The following AKAP6 variants were observed in gnomAD, a reference collection of about 807,000 sequenced individuals.
The protein encoded by AKAP6 is A-kinase anchoring protein 6.
In AKAP6, 58 loss-of-function variants were observed where a neutral mutation model predicts 188.5. The ratio of observed to expected loss-of-function variants is 0.31; its 90% CI spans 0.25 to 0.38. AKAP6 has a LOEUF of 0.38. AKAP6 is among the 10% of genes least tolerant of loss of function. The pLI is 1.00. For synonymous variants in AKAP6, 989 were observed against 998.6 expected, an observed-to-expected ratio of 0.99 and a Z score of 0.18; for missense variants, 2,710 against 2,740.0, an observed-to-expected ratio of 0.99 and a Z score of 0.24.
In AKAP6 at chr14:32,419,901, A is replaced by AAAACAAAAACAG. The variant is rs541132142; in HGVS notation, c.-34-13551_-34-13550insACAGAAACAAAA. ...CTCTACAAAAACAAAAACAAAAACAAAAACAAAAGAAAAAAAACAAAAAAT... is the reference window on the plus strand; with the variant it reads ...CTCTACAAAAACAAAAACAAAAACAAAAACAAAAACAGAAACAAAAGAAAAAAAACAAAAAAT... On this transcript the variant is annotated intron_variant, in intron 1 of 13. Transcript: ENST00000280979. Among the ~76,000 whole-genome samples the AAAACAAAAACAG allele has an allele frequency of 1.4e-3, 212 of 150,738 alleles. 1 individual carries two copies. The highest frequency in any genetic ancestry group is 5.1e-3 in the African/African-American group (205 of 40,162).
chr14:32,729,723 G>A (rs1017610753), intron 9 of AKAP6, among the ~76,000 whole-genome samples: 4 of 152,020 alleles, frequency 2.6e-5, no homozygotes, highest in African/African-American at 9.7e-5. Context: ...AGACAGAGAG[G>A]CCCACAGCAG....
intron 1 of AKAP6, among the ~76,000 whole-genome samples, chr14:32,415,226 C>T (rs551448484): frequency 6.6e-6 from 1 of 152,242 alleles, no homozygotes; most frequent in South Asian, 2.1e-4. Context: ...AGCAGTCACA[C>T]GTGTGTCTTA....
Position 32,627,850 on chromosome 14 carries a change from G to A in AKAP6, c.2730+27058G>A, listed in dbSNP as rs542700762. 6.6e-5 allele frequency among the ~76,000 whole-genome samples: 10 copies of A among 151,726 alleles called. No homozygotes were observed. The South Asian group carries it at 1.0e-3, about 16-fold the overall frequency. ...AGCTTTCATTTTTTTTTCTTTTTTA[G>A]AGTGGTCTCAAATGGTGGGGATTAA... On this transcript the variant is annotated intron_variant, in intron 7 of 13. Coordinates refer to ENST00000280979, the MANE Select transcript of AKAP6 (RefSeq NM_004274.5).
At position 32,823,011 on chromosome 14, in the gene AKAP6, A is replaced by G. The variant is rs767284967; in HGVS notation, c.5198A>G (p.Asn1733Ser). 5 of 1,613,878 alleles carry G rather than the reference A, an allele frequency of 3.1e-6. No homozygotes were observed. In the East Asian group the frequency reaches 6.7e-5, roughly 22 times the overall value. ...TCAGTGGCTGATGAAAGCGATGTCAATGTCAGCATGATTGTTAATGTCTCT... is the reference window on the plus strand; with the variant it reads ...TCAGTGGCTGATGAAAGCGATGTCAGTGTCAGCATGATTGTTAATGTCTCT... Reference protein sequence around the residue: ...TRSVADESDVNVSMIVNVSCT... With the variant: ...TRSVADESDVSVSMIVNVSCT... Residue 1733 changes from asparagine to serine, a missense_variant, in exon 13 of 14, where the codon AAT becomes AGT. Coordinates refer to ENST00000280979, the MANE Select transcript of AKAP6 (RefSeq NM_004274.5).
intron 2 of AKAP6, among the ~76,000 whole-genome samples, chr14:32,528,967 C>T (rs144817317): frequency 1.4e-3 from 218 of 152,226 alleles, no homozygotes; most frequent in African/African-American, 4.8e-3. Context: ...TGTGAGCCAC[C>T]GTGCCGAGCC....
rs1566738327 is a variant in AKAP6, at chr14:32,823,225, C to G, written c.5412C>G (p.Thr1804=). The change falls in exon 13 of 14, where the codon ACC becomes ACG. Residue 1804 remains threonine (T), a synonymous_variant. Transcript: ENST00000280979. ...GLDYIKNELQ[T]WIRPKLSLTR... ...ACTACATAAAGAATGAATTACAGAC[C>G]TGGATTAGGCCAAAATTGTCTTTGA... is the stretch of plus-strand genomic sequence containing the variant. 1 of 1,613,650 alleles carries G rather than the reference C, an allele frequency of 6.2e-7. No individual in the cohort carries two copies. Among genetic ancestry groups the G allele is most frequent in the Non-Finnish European group, 8.5e-7 (1 of 1,179,874 alleles).
intron 2 of AKAP6, among the ~76,000 whole-genome samples, chr14:32,492,355 T>TATATATAGAGAGAGAGAGAGAGAGAGAG: frequency 5.1e-4 from 42 of 82,604 alleles, no homozygotes; most frequent in African/African-American, 1.4e-3. Context: ...TATATATATA[T>TATATATAGAGAGAGAGAGAGAGAGAGAG]AGAGAGAGAG....
intron 2 of AKAP6, among the ~76,000 whole-genome samples, chr14:32,467,329 G>A (rs1459737350): frequency 6.6e-6 from 1 of 152,102 alleles, no homozygotes; most frequent in Non-Finnish European, 1.5e-5. Flanking sequence ...TGAGGTTGGG[G>A]GAGTGGGTAG....
intron 1 of AKAP6, among the ~76,000 whole-genome samples, chr14:32,426,695 G>C (rs17099065): frequency 1.3e-5 from 2 of 152,186 alleles, no homozygotes; most frequent in Admixed American, 6.5e-5. Context: ...ATTGATGACC[G>C]TGGGTGCCAC....
At chr14:32,618,999 C>T (rs1350631882) in intron 7 of AKAP6, among the ~76,000 whole-genome samples, 1 of 151,934 alleles carries the variant, frequency 6.6e-6, no homozygotes, top group Non-Finnish European at 1.5e-5. Flanking sequence ...AATACCAATT[C>T]ATATTATTTA....
At chr14:32,351,941 T>TAA (rs1277583697) in intron 1 of AKAP6, among the ~76,000 whole-genome samples, 4 of 152,160 alleles carry the variant, frequency 2.6e-5, no homozygotes, top group African/African-American at 9.7e-5. Flanking sequence ...TTTCTCCTTG[T>TAA]AACAGGCAGA....
chr14:32,732,684 C>T (rs1385165852), intron 10 of AKAP6, 84 bp downstream of exon 10: 4 of 1,438,554 alleles, frequency 2.8e-6, no homozygotes, highest in Non-Finnish European at 3.9e-6. Context: ...TAATTTGAGG[C>T]ACAAATATCT....
intron 7 of AKAP6, among the ~76,000 whole-genome samples, chr14:32,654,755 G>A (rs769732046): frequency 6.6e-5 from 10 of 151,674 alleles, no homozygotes; most frequent in Non-Finnish European, 1.3e-4. Flanking sequence ...AGGCTGAGGC[G>A]GCAGGATAGC....
chr14:32,744,782 G>T (rs1162325787), intron 11 of AKAP6, among the ~76,000 whole-genome samples: 2 of 151,966 alleles, frequency 1.3e-5, no homozygotes, highest in African/African-American at 4.8e-5. Context: ...GGACCTTGGA[G>T]GCCTACTTCA....
chr14:32,726,589 A>G (rs2030885586), intron 9 of AKAP6, among the ~76,000 whole-genome samples: 1 of 152,272 alleles, frequency 6.6e-6, no homozygotes. Flanking sequence ...TTAACACGTT[A>G]TGGTGAAAAG....
At chr14:32,541,827 A>G (rs927292530) in intron 3 of AKAP6, among the ~76,000 whole-genome samples, 4 of 152,224 alleles carry the variant, frequency 2.6e-5, no homozygotes, top group Non-Finnish European at 4.4e-5. Flanking sequence ...TGCATAAAGT[A>G]TAACTTTTGT....
chr14:32,795,724 A>G (rs1216351215), intron 12 of AKAP6, among the ~76,000 whole-genome samples: 1 of 152,232 alleles, frequency 6.6e-6, no homozygotes, highest in African/African-American at 2.4e-5. Flanking sequence ...AAACTGGCAC[A>G]AGACAAGGAT....
chr14:32,760,100 C>T (rs766058826), intron 11 of AKAP6, among the ~76,000 whole-genome samples: 6 of 152,150 alleles, frequency 3.9e-5, no homozygotes, highest in Non-Finnish European at 7.3e-5. Flanking sequence ...AAGACATGAA[C>T]GGAATCTGAG....
intron 12 of AKAP6, among the ~76,000 whole-genome samples, chr14:32,782,636 A>T (rs766807591): frequency 2.8e-4 from 43 of 152,192 alleles, no homozygotes; most frequent in Non-Finnish European, 4.6e-4. Flanking sequence ...TGAAATTTTT[A>T]AACATTCAAT....
Sources: allele counts gnomAD v4.1 joint callset (sites outside exome capture counted in the v4.1 genomes callset), GRCh38; gene constraint gnomAD v4.1.1; transcripts MANE v1.5; gene names NCBI Gene and HGNC (gene_info 2026-07-23, HGNC 2026-07-21).